The following ENTREP2 variants were observed in gnomAD, a reference collection of about 807,000 sequenced individuals.
ENTREP2 encodes the protein endosomal transmembrane epsin interactor 2, also known as protein ENTREP2.
the ENTREP2 span, among the ~76,000 whole-genome samples, chr15:29,575,473 C>T: frequency 6.6e-6 from 1 of 152,148 alleles, no homozygotes. Context: ...TCCACATTCA[C>T]CACCACTGTT....
chr15:29,268,875 G>C, the ENTREP2 span: 2 of 1,614,120 alleles, frequency 1.2e-6, no homozygotes, highest in Non-Finnish European at 1.7e-6. Context: ...GCGCTGGCCA[G>C]TCCTTGGGGT....
chr15:29,388,446 T>A, the ENTREP2 span, among the ~76,000 whole-genome samples: 7 of 152,154 alleles, frequency 4.6e-5, no homozygotes, highest in Admixed American at 6.5e-5. Context: ...AGAATGGCCA[T>A]AATTAAAAAG....
the ENTREP2 span, among the ~76,000 whole-genome samples, chr15:29,581,585 C>T: frequency 6.6e-6 from 1 of 152,094 alleles, no homozygotes; most frequent in African/African-American, 2.4e-5. Flanking sequence ...TTTTAAAAAA[C>T]TCCTAAACAA....
chr15:29,314,370 T>C, the ENTREP2 span, among the ~76,000 whole-genome samples: 33,090 of 152,068 alleles, frequency 0.22, 6,776 homozygotes, highest in African/African-American at 0.55. Context: ...CACTGTCTTA[T>C]TTTCAGAAAT....
chr15:29,221,524 G>A, the ENTREP2 span, among the ~76,000 whole-genome samples: 3 of 152,098 alleles, frequency 2.0e-5, no homozygotes, highest in African/African-American at 7.2e-5. Context: ...TTAGCTTGCT[G>A]AGTTAGTAAC....
the ENTREP2 span, among the ~76,000 whole-genome samples, chr15:29,302,986 T>TG: frequency 6.6e-6 from 1 of 152,112 alleles, no homozygotes; most frequent in Non-Finnish European, 1.5e-5. Flanking sequence ...ACCCCAGACC[T>TG]GACCAACTCT....
chr15:29,467,298 G>A, the ENTREP2 span, among the ~76,000 whole-genome samples: 1 of 152,144 alleles, frequency 6.6e-6, no homozygotes, highest in Non-Finnish European at 1.5e-5. Flanking sequence ...ATGTGCTTAG[G>A]TAGTGTTCCA....
At chr15:29,472,246 T>A in the ENTREP2 span, among the ~76,000 whole-genome samples, 1 of 152,108 alleles carries the variant, frequency 6.6e-6, no homozygotes, top group Non-Finnish European at 1.5e-5. Flanking sequence ...GTCATGCAAT[T>A]CACCCAGCAT....
the ENTREP2 span, among the ~76,000 whole-genome samples, chr15:29,482,543 C>T: frequency 1.3e-5 from 2 of 152,188 alleles, no homozygotes; most frequent in Non-Finnish European, 2.9e-5. Context: ...TTTTTACTGT[C>T]TCCACAGTCT....
the ENTREP2 span, among the ~76,000 whole-genome samples, chr15:29,478,239 G>C: frequency 6.6e-6 from 1 of 151,700 alleles, no homozygotes; most frequent in Non-Finnish European, 1.5e-5. Flanking sequence ...ATGTTAGCCA[G>C]AATGGTCTCG....
the ENTREP2 span, among the ~76,000 whole-genome samples, chr15:29,579,786 C>A: frequency 6.9e-6 from 1 of 145,246 alleles, no homozygotes; most frequent in East Asian, 2.1e-4. Flanking sequence ...TCTCGGCTCA[C>A]TGCAAGGTCC....
At chr15:29,120,805 GGCTGTGA>G in the ENTREP2 span, 1 of 152,252 alleles carries the variant, frequency 6.6e-6, no homozygotes. Flanking sequence ...CTTTCTCCTG[GGCTGTGA>G]GCTGACGTGC....
chr15:29,152,701 C>G, the ENTREP2 span, among the ~76,000 whole-genome samples: 16 of 152,176 alleles, frequency 1.1e-4, no homozygotes, highest in East Asian at 3.1e-3. Context: ...TTTTGGTATT[C>G]CAGTTTTCCA....
the ENTREP2 span, chr15:29,234,594 A>C: frequency 6.6e-7 from 1 of 1,509,960 alleles, no homozygotes; most frequent in Non-Finnish European, 9.2e-7. Context: ...TCATCTTCAC[A>C]ATCTTCTTTT....
At chr15:29,371,264 G>T in the ENTREP2 span, among the ~76,000 whole-genome samples, 25,639 of 151,418 alleles carry the variant, frequency 0.17, 2,378 homozygotes, top group East Asian at 0.38. Context: ...TTCAAAGATG[G>T]CCTTCACATT....
chr15:29,450,699 G>A, the ENTREP2 span, among the ~76,000 whole-genome samples: 1 of 152,144 alleles, frequency 6.6e-6, no homozygotes, highest in Admixed American at 6.5e-5. Flanking sequence ...CAATAGCAAA[G>A]ACACTGAATC....
the ENTREP2 span, among the ~76,000 whole-genome samples, chr15:29,520,067 A>T: frequency 6.6e-6 from 1 of 152,176 alleles, no homozygotes; most frequent in Non-Finnish European, 1.5e-5. Flanking sequence ...CTTGCATTCA[A>T]GTAAAATAAA....
At chr15:29,570,705 G>A in the ENTREP2 span, 7 of 1,102,804 alleles carry the variant, frequency 6.3e-6, no homozygotes, top group Non-Finnish European at 7.7e-6. Context: ...GGCGCTCGGG[G>A]GCCGCCGGCC....
the ENTREP2 span, among the ~76,000 whole-genome samples, chr15:29,488,371 T>A: frequency 6.6e-6 from 1 of 152,098 alleles, no homozygotes; most frequent in Admixed American, 6.6e-5. Context: ...ATGAAAATTA[T>A]CCAGTCTGAG....
Sources: gnomAD v4.1 joint callset for allele counts (sites outside exome capture counted in the v4.1 genomes callset) on GRCh38, gnomAD v4.1.1 for gene constraint, MANE v1.5 for transcripts, NCBI Gene and HGNC (gene_info 2026-07-23, HGNC 2026-07-21) for gene names.